USP28: variants seen among roughly 807,000 people sequenced by gnomAD.
USP28 encodes the protein ubiquitin carboxyl-terminal hydrolase 28.
In USP28, 113 loss-of-function variants were observed where a neutral mutation model predicts 145.0. That is an observed-to-expected ratio of 0.78 (90% confidence interval 0.67 to 0.91). USP28 has a LOEUF of 0.91. Among genes scored for constraint, USP28 ranks in the 40% least tolerant of loss-of-function variants. The probability of loss-of-function intolerance (pLI) is 0.00; values close to 1 mark genes in which losing one functional copy is unlikely to be tolerated. For missense variants in USP28, 1,201 were observed against 1,289.6 expected, an observed-to-expected ratio of 0.93 and a Z score of 1.05; for synonymous variants, 447 against 450.9, an observed-to-expected ratio of 0.99 and a Z score of 0.11.
intron 1 of USP28, among the ~76,000 whole-genome samples, chr11:113,861,123 CAAAA>C (rs1166313897): frequency 1.1e-5 from 1 of 88,182 alleles, no homozygotes. Flanking sequence ...GACTACACCT[CAAAA>C]AAAAAAAAAA....
chr11:113,864,566 G>A (rs1256322876), intron 1 of USP28, among the ~76,000 whole-genome samples: 4 of 152,146 alleles, frequency 2.6e-5, no homozygotes, highest in African/African-American at 9.7e-5. Context: ...CAAAAGAGCT[G>A]ATGGTTGTCT....
At chr11:113,835,537 A>G (rs1944468134) in intron 5 of USP28, among the ~76,000 whole-genome samples, 1 of 152,172 alleles carries the variant, frequency 6.6e-6, no homozygotes, top group African/African-American at 2.4e-5. Context: ...ACCGGACTGA[A>G]GTGTAAACCC....
chr11:113,802,688 CCTTT>C (rs1939248943), intron 23 of USP28, among the ~76,000 whole-genome samples: 1 of 152,194 alleles, frequency 6.6e-6, no homozygotes, highest in African/African-American at 2.4e-5. Flanking sequence ...ACAGTTCCTA[CCTTT>C]ATTTTAAAAA....
intron 17 of USP28, 138 bp downstream of exon 17, chr11:113,808,925 T>C (rs1400536032): frequency 1.7e-5 from 13 of 772,800 alleles, no homozygotes; most frequent in Non-Finnish European, 2.5e-5. Context: ...CATCAGGTTG[T>C]ACCTGGCATA....
chr11:113,804,979 G>A lies in USP28; in HGVS notation c.2468C>T (p.Pro823Leu). 3 of 1,614,154 alleles carry A rather than the reference G, an allele frequency of 1.9e-6. No homozygotes were observed. Among genetic ancestry groups the A allele is most frequent in the Non-Finnish European group, 2.5e-6 (3 of 1,180,020 alleles). The change falls in exon 20 of 25, where the codon CCT becomes CTT. Residue 823 changes from proline (P) to leucine (L), a missense_variant. Physicochemically the swap from Pro to Leu is moderately conservative, Grantham distance 98. Transcript: ENST00000003302. ...GTAGACAAGGACATGCTGAAGTCGA[G>A]GATCACTGTGAGAGGTGGGGGTCTC...
rs200773715 is a variant in USP28 at position 113,852,527 on chromosome 11, C to G, written c.242G>C (p.Ser81Thr). 1.1e-5 allele frequency: 17 copies of G among 1,614,186 alleles called. No individual in the cohort carries two copies. In the East Asian group the frequency reaches 3.8e-4, roughly 36 times the overall value. The change falls in exon 3 of 25, where the codon AGT becomes ACT. Residue 81 changes from serine (S) to threonine (T), a missense_variant. Physicochemically the swap from Ser to Thr is moderately conservative, Grantham distance 58. Transcript: ENST00000003302. ...TGCTAATACTTCCTTGTTGGCAGCACTCCCCTCTACTTCAGATGGTTCTGT... is the reference window on the plus strand; with the variant it reads ...TGCTAATACTTCCTTGTTGGCAGCAGTCCCCTCTACTTCAGATGGTTCTGT...
In USP28 at chr11:113,800,006, A is replaced by G. The variant is rs1190590486; in HGVS notation, c.3059-591T>C. On this transcript the variant is annotated intron_variant, in intron 24 of 24. Transcript: ENST00000003302. ...TTAAACACTTGAACAAGTCAATGGA[A>G]TATCTTTTTTTTTTTTTGAGACGGA... 3.9e-5 allele frequency among the ~76,000 whole-genome samples: 6 copies of G among 152,042 alleles called. No individual in the cohort carries two copies. The East Asian group carries it at 7.8e-4, about 20-fold the overall frequency.
At chr11:113,839,923 G>A (rs1945005397) in intron 5 of USP28, among the ~76,000 whole-genome samples, 1 of 152,062 alleles carries the variant, frequency 6.6e-6, no homozygotes, top group Non-Finnish European at 1.5e-5. Context: ...TGGAGAGGCA[G>A]GAGAATTGCT....
At position 113,817,850 on chromosome 11, in the gene USP28, G is replaced by C. The variant is rs780133932; in HGVS notation, c.1284-13C>G. The C allele has an allele frequency of 3.1e-6, 5 of 1,612,118 alleles. No homozygotes were observed. The highest frequency in any genetic ancestry group is 2.2e-5 in the South Asian group (2 of 91,050). ...ATATTTCACATACCTAAGCGACAAA[G>C]ACAGTGGTACTCTACTGCCCAAGGC... is the stretch of plus-strand genomic sequence containing the variant. On this transcript the variant is annotated splice_polypyrimidine_tract_variant and intron_variant, in intron 12 of 24. Coordinates refer to ENST00000003302, the Ensembl canonical transcript of USP28.
chr11:113,845,891 A>G (rs1338049788), intron 3 of USP28, among the ~76,000 whole-genome samples: 1 of 152,220 alleles, frequency 6.6e-6, no homozygotes, highest in Non-Finnish European at 1.5e-5. Context: ...AGGGTCTTGT[A>G]GAGATATCTG....
At chr11:113,851,565 G>A (rs1946446109) in intron 3 of USP28, among the ~76,000 whole-genome samples, 1 of 152,164 alleles carries the variant, frequency 6.6e-6, no homozygotes, top group South Asian at 2.1e-4. Context: ...GGAGGCTGAG[G>A]CGGGTGGATC....
At chr11:113,857,846 G>A (rs1215979689) in intron 1 of USP28, among the ~76,000 whole-genome samples, 3 of 152,104 alleles carry the variant, frequency 2.0e-5, no homozygotes, top group African/African-American at 7.2e-5. Context: ...AATCAGGAAA[G>A]GAAAATAAAC....
chr11:113,828,736 A>G (rs1156293711), intron 10 of USP28: 3 of 316,568 alleles, frequency 9.5e-6, no homozygotes, highest in Admixed American at 4.4e-5. Context: ...AAATAGATAC[A>G]TAAATAAACA....
At chr11:113,869,404 G>A (rs2137118493) in intron 1 of USP28, among the ~76,000 whole-genome samples, 1 of 152,280 alleles carries the variant, frequency 6.6e-6, no homozygotes, top group East Asian at 1.9e-4. Context: ...ACTCCATCCT[G>A]GGCAACAGAC....
chr11:113,830,009 T>C (rs1943811141), intron 9 of USP28, among the ~76,000 whole-genome samples: 1 of 152,090 alleles, frequency 6.6e-6, no homozygotes, highest in Admixed American at 6.6e-5. Context: ...TATGTTAAAA[T>C]ATGTTAAATA....
intron 5 of USP28, 36 bp from the exon 6 acceptor site, chr11:113,834,371 C>T: frequency 1.4e-6 from 2 of 1,383,108 alleles, no homozygotes; most frequent in Middle Eastern, 1.8e-4. Context: ...ATAGCCTTTC[C>T]TGAAAATAAC....
At chr11:113,809,232 A>T in exon 17 of USP28, 2 of 1,614,064 alleles carry the variant, frequency 1.2e-6, no homozygotes, top group East Asian at 2.2e-5. Flanking sequence ...CTGACATTTG[A>T]TCTGATTCAG....
chr11:113,814,103 CAG>C, intron 14 of USP28, 148 bp from the exon 15 acceptor site: 1 of 565,266 alleles, frequency 1.8e-6, no homozygotes, highest in Non-Finnish European at 3.0e-6. Context: ...AGTTTTAAAG[CAG>C]CTAGTACTTT....
intron 1 of USP28, among the ~76,000 whole-genome samples, chr11:113,864,323 G>T (rs1192243723): frequency 1.3e-5 from 2 of 152,176 alleles, no homozygotes; most frequent in African/African-American, 4.8e-5. Context: ...CTGGAAAACT[G>T]TACTAGTCAG....
Sources: gnomAD v4.1 joint callset for allele counts (sites outside exome capture counted in the v4.1 genomes callset) on GRCh38, gnomAD v4.1.1 for gene constraint, MANE v1.5 for transcripts, NCBI Gene and HGNC (gene_info 2026-07-23, HGNC 2026-07-21) for gene names.